RALYL: variants seen among roughly 807,000 people sequenced by gnomAD.
RALYL encodes the protein RALY RNA binding protein like, also known as RNA-binding Raly-like protein.
A neutral mutation model predicts 35.1 loss-of-function variants in RALYL; 29 were observed. That is an observed-to-expected ratio of 0.83 (90% confidence interval 0.61 to 1.13). The LOEUF is 1.13. Ranked by LOEUF, RALYL falls within the 50% of genes most tolerant of loss-of-function variation. RALYL has a pLI of 0.00. For missense variants in RALYL, 359 were observed against 360.4 expected (o/e 1.00, Z 0.03); for synonymous variants, 120 against 127.6 (o/e 0.94, Z 0.40).
At chr8:84,211,846 CATAATA>C (rs1413385610) in intron 1 of RALYL, among the ~76,000 whole-genome samples, 1 of 151,948 alleles carries the variant, frequency 6.6e-6, no homozygotes, top group Non-Finnish European at 1.5e-5. Context: ...TCTGTGGAGA[CATAATA>C]ATAATAGTAA....
intron 3 of RALYL, among the ~76,000 whole-genome samples, chr8:84,797,703 C>T (rs78182083): frequency 0.02 from 3,037 of 152,200 alleles, 44 homozygotes; most frequent in Middle Eastern, 0.048. Context: ...GGTAGACAAA[C>T]AAGATTTCAA....
chr8:84,634,356 C>T (rs949675693), intron 2 of RALYL, among the ~76,000 whole-genome samples: 13 of 151,764 alleles, frequency 8.6e-5, no homozygotes, highest in Admixed American at 5.9e-4. Context: ...ATGAAAACCC[C>T]GATGAACCAC....
At chr8:84,623,042 C>A (rs186658373) in intron 2 of RALYL, among the ~76,000 whole-genome samples, 163 of 152,216 alleles carry the variant, frequency 1.1e-3, no homozygotes, top group African/African-American at 3.9e-3. Context: ...GACTGAAAGC[C>A]AGTTCTGATT....
At chr8:84,492,243 A>C (rs2055405078) in intron 1 of RALYL, among the ~76,000 whole-genome samples, 1 of 152,088 alleles carries the variant, frequency 6.6e-6, no homozygotes, top group Admixed American at 6.6e-5. Flanking sequence ...AACTAAAAGT[A>C]ACTTTCCATC....
chr8:84,568,205 C>A (rs1258426298), intron 2 of RALYL, among the ~76,000 whole-genome samples: 1 of 103,760 alleles, frequency 9.6e-6, no homozygotes, highest in African/African-American at 3.8e-5. Flanking sequence ...CCCCCTCCCC[C>A]CACCCCACAA....
At chr8:84,833,062 C>T (rs961488233) in intron 4 of RALYL, among the ~76,000 whole-genome samples, 1 of 152,170 alleles carries the variant, frequency 6.6e-6, no homozygotes, top group Non-Finnish European at 1.5e-5. Context: ...AGGCACCCTT[C>T]TTCTCTAGCT....
rs1207511655 is a variant in RALYL at position 84,529,589 on chromosome 8, T to C, written c.256+12T>C. The C allele has an allele frequency of 6.2e-7, 1 of 1,603,494 alleles. No homozygotes were observed. The highest frequency in any genetic ancestry group is 1.7e-5 in the Admixed American group (1 of 59,766). Reference sequence around the variant, plus strand: ...CGGCCAACCACTTGGTAAGTCATGCTCAGACATGGATCTCACGTTATTGTT... The same window carrying C: ...CGGCCAACCACTTGGTAAGTCATGCCCAGACATGGATCTCACGTTATTGTT... On this transcript the variant is annotated intron_variant, in intron 2 of 8. Coordinates refer to ENST00000521268, the MANE Select transcript of RALYL (RefSeq NM_173848.7).
chr8:84,490,094 T>C (rs977692563), intron 1 of RALYL, among the ~76,000 whole-genome samples: 24 of 49,866 alleles, frequency 4.8e-4, no homozygotes, highest in African/African-American at 1.7e-3. Flanking sequence ...TGTGTGTGTG[T>C]GTGTGTGTGT....
At chr8:84,267,917 G>A (rs1261727443) in intron 1 of RALYL, among the ~76,000 whole-genome samples, 1 of 152,162 alleles carries the variant, frequency 6.6e-6, no homozygotes, top group East Asian at 1.9e-4. Flanking sequence ...GACTATGCTA[G>A]ATTCAGTATC....
intron 2 of RALYL, among the ~76,000 whole-genome samples, chr8:84,674,710 G>A (rs1360563762): frequency 4.6e-5 from 7 of 151,966 alleles, no homozygotes; most frequent in Non-Finnish European, 8.8e-5. Context: ...TTTATTCTTA[G>A]CATATTTTTA....
intron 2 of RALYL, among the ~76,000 whole-genome samples, chr8:84,584,303 T>A (rs1811498834): frequency 6.6e-6 from 1 of 152,148 alleles, no homozygotes. Context: ...TTTTACCATT[T>A]TTAAATTATT....
At chr8:84,471,568 C>A (rs951595275) in intron 1 of RALYL, among the ~76,000 whole-genome samples, 4 of 151,940 alleles carry the variant, frequency 2.6e-5, no homozygotes, top group Admixed American at 6.6e-5. Context: ...TCCAAAATAA[C>A]AATAACAGCA....
At chr8:84,376,804 TG>T (rs1190255802) in intron 1 of RALYL, among the ~76,000 whole-genome samples, 1 of 151,776 alleles carries the variant, frequency 6.6e-6, no homozygotes, top group African/African-American at 2.4e-5. Context: ...TTTCTGACCT[TG>T]GGGGTCAGCT....
At chr8:84,457,749 G>C (rs1323892790) in intron 1 of RALYL, among the ~76,000 whole-genome samples, 1 of 151,672 alleles carries the variant, frequency 6.6e-6, no homozygotes, top group East Asian at 1.9e-4. Flanking sequence ...TACTCATCTT[G>C]AGCTGATGAA....
At position 84,183,404 on chromosome 8, in the gene RALYL, C is replaced by G. The variant is rs1371686610; in HGVS notation, c.-1044C>G. The G allele has an allele frequency of 6.5e-6, 1 of 153,570 alleles. No individual in the cohort carries two copies. Among genetic ancestry groups the G allele is most frequent in the East Asian group, 1.9e-4 (1 of 5,192 alleles). The allele number at this position is 153,570 out of a possible 1,614,324, so 9.5% of individuals were successfully genotyped here. ...AGCCAGAGTTGGGCTCCGTGGGCTTCCCCCCTCGCAGCCTCGGTCCTTCCC... is the reference window on the plus strand; with the variant it reads ...AGCCAGAGTTGGGCTCCGTGGGCTTGCCCCCTCGCAGCCTCGGTCCTTCCC... On this transcript the variant is annotated 5_prime_UTR_variant, in exon 1 of 9. Transcript: ENST00000521268.
chr8:84,352,555 C>G (rs1851110225), intron 1 of RALYL, among the ~76,000 whole-genome samples: 1 of 150,226 alleles, frequency 6.7e-6, no homozygotes, highest in Non-Finnish European at 1.5e-5. Context: ...TTTCCCAAAG[C>G]CACACAACTA....
chr8:84,620,968 C>T (rs544061850), intron 2 of RALYL, among the ~76,000 whole-genome samples: 90 of 152,206 alleles, frequency 5.9e-4, no homozygotes, highest in African/African-American at 2.1e-3. Flanking sequence ...TCTCCAGCTG[C>T]GTGCTGGGAG....
intron 1 of RALYL, among the ~76,000 whole-genome samples, chr8:84,322,886 A>G (rs1002888851): frequency 6.6e-6 from 1 of 152,144 alleles, no homozygotes; most frequent in African/African-American, 2.4e-5. Flanking sequence ...CAAATATCCC[A>G]CGTTGATCAC....
At chr8:84,626,939 C>T (rs1312562960) in intron 2 of RALYL, among the ~76,000 whole-genome samples, 1 of 152,060 alleles carries the variant, frequency 6.6e-6, no homozygotes, top group Admixed American at 6.6e-5. Flanking sequence ...CACTGACAGA[C>T]CAGTCAATTA....
Sources: allele counts gnomAD v4.1 joint callset (sites outside exome capture counted in the v4.1 genomes callset), GRCh38; gene constraint gnomAD v4.1.1; transcripts MANE v1.5; gene names NCBI Gene and HGNC (gene_info 2026-07-23, HGNC 2026-07-21).